UNC13C: variants seen among roughly 807,000 people sequenced by gnomAD.
The protein encoded by UNC13C is protein unc-13 homolog C.
Under a neutral mutation model 245.4 loss-of-function variants are expected in UNC13C, and 174 were observed. That is an observed-to-expected ratio of 0.71 (90% confidence interval 0.63 to 0.80). The LOEUF is 0.80. UNC13C is among the 30% of genes least tolerant of loss of function. The probability of loss-of-function intolerance (pLI) is 0.00; values close to 1 mark genes in which losing one functional copy is unlikely to be tolerated. For missense variants in UNC13C, 2,829 were observed against 2,602.9 expected (o/e 1.09, Z -1.89); for synonymous variants, 992 against 895.1 (o/e 1.11, Z -1.93).
chr15:54,290,648 T>C (rs771806222), intron 10 of UNC13C, among the ~76,000 whole-genome samples: 1 of 152,138 alleles, frequency 6.6e-6, no homozygotes, highest in South Asian at 2.1e-4. Flanking sequence ...TTTACCCATA[T>C]AGTTACTACT....
intron 2 of UNC13C, among the ~76,000 whole-genome samples, chr15:54,067,307 C>T (rs1266004095): frequency 6.6e-6 from 1 of 152,140 alleles, no homozygotes; most frequent in Non-Finnish European, 1.5e-5. Flanking sequence ...CCTGAGAGAA[C>T]AGTGTATCTT....
intron 8 of UNC13C, among the ~76,000 whole-genome samples, chr15:54,259,356 G>A (rs1307930770): frequency 1.3e-5 from 2 of 152,212 alleles, no homozygotes; most frequent in South Asian, 2.1e-4. Flanking sequence ...AAAGAAAAGA[G>A]GTTTAATGGA....
intron 2 of UNC13C, among the ~76,000 whole-genome samples, chr15:54,040,467 C>G (rs1332032821): frequency 6.6e-6 from 1 of 152,138 alleles, no homozygotes; most frequent in African/African-American, 2.4e-5. Context: ...AAAATTTTAA[C>G]AAGGGCTTCA....
At chr15:54,217,796 G>A (rs1275611940) in intron 4 of UNC13C, among the ~76,000 whole-genome samples, 1 of 151,792 alleles carries the variant, frequency 6.6e-6, no homozygotes, top group African/African-American at 2.4e-5. Flanking sequence ...TCTTCCCTAT[G>A]ACTTAAGTTC....
intron 17 of UNC13C, among the ~76,000 whole-genome samples, chr15:54,378,682 C>A (rs929089928): frequency 6.6e-5 from 10 of 151,524 alleles, no homozygotes; most frequent in Non-Finnish European, 1.5e-4. Context: ...AATTCTTTGC[C>A]CAAATTTATA....
intron 19 of UNC13C, among the ~76,000 whole-genome samples, chr15:54,439,749 A>G (rs1431049796): frequency 6.6e-6 from 1 of 151,984 alleles, no homozygotes; most frequent in Non-Finnish European, 1.5e-5. Context: ...TAGGGTATCC[A>G]TCACCTCAAA....
At chr15:54,392,659 C>G (rs2039982143) in intron 17 of UNC13C, among the ~76,000 whole-genome samples, 1 of 151,618 alleles carries the variant, frequency 6.6e-6, no homozygotes, top group Admixed American at 6.6e-5. Context: ...AAACACACAC[C>G]TTTGTACACA....
intron 4 of UNC13C, among the ~76,000 whole-genome samples, chr15:54,191,988 A>G (rs2034199880): frequency 6.6e-6 from 1 of 151,964 alleles, no homozygotes; most frequent in African/African-American, 2.4e-5. Context: ...ATTTTCTTCC[A>G]TTCTGTAGGT....
chr15:54,571,578 A>G (rs974041647), intron 30 of UNC13C, among the ~76,000 whole-genome samples: 2 of 152,232 alleles, frequency 1.3e-5, no homozygotes, highest in African/African-American at 4.8e-5. Context: ...ATGAATAGTC[A>G]TTGTATTTCA....
chr15:54,556,696 A>T (rs28570167), intron 29 of UNC13C, among the ~76,000 whole-genome samples: 2,819 of 152,134 alleles, frequency 0.019, 79 homozygotes, highest in African/African-American at 0.061. Flanking sequence ...AGAAATAACT[A>T]ATCTTTGGAG....
At chr15:54,094,530 G>A (rs1175376751) in intron 2 of UNC13C, among the ~76,000 whole-genome samples, 2 of 152,172 alleles carry the variant, frequency 1.3e-5, no homozygotes, top group African/African-American at 4.8e-5. Context: ...GACTCAAAGT[G>A]TAGAACTTTA....
the UNC13C span, among the ~76,000 whole-genome samples, chr15:53,966,206 G>C: frequency 1.3e-5 from 2 of 152,156 alleles, no homozygotes; most frequent in African/African-American, 4.8e-5. Context: ...TAAGTCAGTA[G>C]TTGAACCTAC....
intron 2 of UNC13C, among the ~76,000 whole-genome samples, chr15:54,121,148 C>T (rs1036981414): frequency 6.6e-6 from 1 of 152,136 alleles, no homozygotes; most frequent in Non-Finnish European, 1.5e-5. Flanking sequence ...ACAGGCAAAT[C>T]TTTCCCAGAA....
intron 29 of UNC13C, among the ~76,000 whole-genome samples, chr15:54,565,395 G>C (rs1435948471): frequency 6.6e-6 from 1 of 151,978 alleles, no homozygotes; most frequent in South Asian, 2.1e-4. Context: ...CACAGATGCT[G>C]TCAAGTATTA....
intron 19 of UNC13C, among the ~76,000 whole-genome samples, chr15:54,475,600 T>G (rs1892695144): frequency 6.6e-6 from 1 of 151,446 alleles, no homozygotes; most frequent in South Asian, 2.1e-4. Context: ...GAATGATGAT[T>G]TCCAATTTCA....
rs1226274246 is a variant in UNC13C at position 54,414,292 on chromosome 15, TA to T, written c.4848-689del. 1.2e-4 allele frequency among the ~76,000 whole-genome samples: 19 copies of T among 152,342 alleles called. No homozygotes were observed. The East Asian group carries it at 3.3e-3, about 26-fold the overall frequency. On this transcript the variant is annotated intron_variant, in intron 18 of 32. Transcript: ENST00000260323. ...GGGACATATATGAGGTGTGATTTTT[TA>T]GTGTCATATGGTGTTTGCTATTCAG...
chr15:54,188,125 A>G (rs1353452014), intron 4 of UNC13C, among the ~76,000 whole-genome samples: 2 of 152,106 alleles, frequency 1.3e-5, no homozygotes, highest in African/African-American at 4.8e-5. Context: ...GCCACACTGT[A>G]TGTTTTTACT....
intron 30 of UNC13C, among the ~76,000 whole-genome samples, chr15:54,620,511 T>G (rs985619717): frequency 3.9e-5 from 6 of 152,168 alleles, no homozygotes; most frequent in African/African-American, 1.4e-4. Flanking sequence ...AGGTTCATAC[T>G]GTATTAGTTA....
At chr15:54,259,283 C>A (rs1447936945) in intron 8 of UNC13C, among the ~76,000 whole-genome samples, 1 of 152,224 alleles carries the variant, frequency 6.6e-6, no homozygotes, top group Non-Finnish European at 1.5e-5. Context: ...TTCTCCTCTA[C>A]CCAAGTGTAT....
Sources: allele counts gnomAD v4.1 joint callset (sites outside exome capture counted in the v4.1 genomes callset), GRCh38; gene constraint gnomAD v4.1.1; transcripts MANE v1.5; gene names NCBI Gene and HGNC (gene_info 2026-07-23, HGNC 2026-07-21).